NDUFB8: variants seen among roughly 807,000 people sequenced by gnomAD.
NDUFB8 encodes the protein NADH dehydrogenase [ubiquinone] 1 beta subcomplex subunit 8, mitochondrial.
Under a neutral mutation model 26.0 loss-of-function variants are expected in NDUFB8, and 17 were observed. That is an observed-to-expected ratio of 0.65 (90% CI 0.45 to 0.98). NDUFB8 has a LOEUF of 0.98. NDUFB8 is among the 50% of genes least tolerant of loss of function. The pLI is 0.00. For synonymous variants in NDUFB8, 89 were observed against 93.1 expected (o/e 0.96, Z 0.25); for missense variants, 238 against 255.0 (o/e 0.93, Z 0.45).
At chr10:100,525,339 C>T (rs953467151) in intron 4 of NDUFB8, among the ~76,000 whole-genome samples, 4 of 151,940 alleles carry the variant, frequency 2.6e-5, no homozygotes, top group Non-Finnish European at 5.9e-5. Flanking sequence ...TCACTGCAAC[C>T]TCTGCCTCCC....
chr10:100,529,016 T>A (rs1389430072), intron 2 of NDUFB8: 2 of 172,338 alleles, frequency 1.2e-5, no homozygotes, highest in African/African-American at 4.8e-5. Flanking sequence ...GGAGTCCAGC[T>A]CCAGCCTGGT....
intron 4 of NDUFB8, among the ~76,000 whole-genome samples, chr10:100,525,653 TG>T (rs1852033791): frequency 8.1e-6 from 1 of 123,414 alleles, no homozygotes; most frequent in Non-Finnish European, 1.8e-5. Context: ...TGTGTGTGTG[TG>T]TGTGTGTGTT....
Position 100,529,820 on chromosome 10 carries a change from A to C in NDUFB8, c.32T>G (p.Val11Gly), listed in dbSNP as rs146449373. The C allele has an allele frequency of 1.2e-6, 2 of 1,612,570 alleles. No homozygotes were observed. Among genetic ancestry groups the C allele is most frequent in the Non-Finnish European group, 1.7e-6 (2 of 1,179,538 alleles). The change falls in exon 1 of 5, where the codon GTC (valine) becomes GGC (glycine). Residue 11 changes from valine (V) to glycine (G), a missense_variant. By Grantham distance (109) the Val-to-Gly change is moderately radical. Transcript: ENST00000299166. ...CCGGGATGCCCTTTGCAGCCACTGG[A>C]CTCCCAAGACCCCGGCCCTGGCCAC... is the stretch of plus-strand genomic sequence containing the variant. MAVARAGVLG[V>G]QWLQRASRNV...
rs775478218 is a variant in NDUFB8 at position 100,526,484 on chromosome 10, A to C, written c.383T>G (p.Val128Gly). The C allele has an allele frequency of 4.0e-5, 65 of 1,612,568 alleles. 1 individual carries two copies. The highest frequency in any genetic ancestry group is 5.1e-5 in the Non-Finnish European group (60 of 1,179,616). ...DTSPTPVSWH[V>G]MCMQLFGFLA... ...GAAACCGAAGAGCTGCATACACATG[A>C]CATGCCAAGAAACAGGTGTGGGGGA... The change falls in exon 4 of 5, where the codon GTC becomes GGC. Residue 128 changes from valine (V) to glycine (G), a missense_variant. Val to Gly is a moderately radical substitution (Grantham distance 109). Coordinates refer to ENST00000299166, the MANE Select transcript of NDUFB8 (RefSeq NM_005004.4).
intron 2 of NDUFB8, chr10:100,528,974 G>C (rs532513811): frequency 6.2e-6 from 1 of 160,072 alleles, no homozygotes; most frequent in Non-Finnish European, 1.4e-5. Flanking sequence ...CAAATATAGA[G>C]TACTCCGTTT....
chr10:100,528,275 T>C (rs929149156), intron 2 of NDUFB8, among the ~76,000 whole-genome samples: 11 of 152,210 alleles, frequency 7.2e-5, no homozygotes, highest in Non-Finnish European at 1.5e-4. Context: ...CCGAGGTGTG[T>C]AGCAGGCCAT....
In NDUFB8 at chr10:100,526,811, C is replaced by T. The variant is rs1009948400; in HGVS notation, c.312+164G>A. 5.2e-5 allele frequency: 39 copies of T among 746,220 alleles called. No individual in the cohort carries two copies. The East Asian group carries it at 1.0e-3, about 19-fold the overall frequency. 46.2% of individuals were successfully genotyped at this position (746,220 alleles called of 1,614,324 possible). ...ACAGAGTTTCATGATTCCCAGACGT[C>T]CCATTCAGTGTGCCACATGCAATCT... On this transcript the variant is annotated intron_variant, in intron 3 of 4. Transcript: ENST00000299166.
chr10:100,528,622 A>T (rs997611637), intron 2 of NDUFB8, among the ~76,000 whole-genome samples: 63 of 152,340 alleles, frequency 4.1e-4, no homozygotes, highest in African/African-American at 1.5e-3. Flanking sequence ...TTCATCTGAC[A>T]CTGGCTTCGA....
intron 2 of NDUFB8, among the ~76,000 whole-genome samples, chr10:100,528,428 T>A (rs554855699): frequency 3.9e-4 from 59 of 152,282 alleles, no homozygotes; most frequent in Non-Finnish European, 7.8e-4. Context: ...AATGAAAAAT[T>A]AAAGTTTAGA....
intron 1 of NDUFB8, 87 bp from the exon 2 acceptor site, chr10:100,529,593 A>T: frequency 6.3e-7 from 1 of 1,584,722 alleles, no homozygotes; most frequent in South Asian, 1.1e-5. Context: ...CAGAGGTCCG[A>T]GCCCGGGACT....
intron 4 of NDUFB8, chr10:100,526,042 A>C (rs1354824107): frequency 2.1e-5 from 4 of 186,138 alleles, no homozygotes; most frequent in Non-Finnish European, 4.4e-5. Flanking sequence ...AGTCCAACAA[A>C]GGATAAGATT....
chr10:100,525,717 CGTGTGTGT>C (rs71013460), intron 4 of NDUFB8, among the ~76,000 whole-genome samples: 1,623 of 45,996 alleles, frequency 0.035, 181 homozygotes, highest in East Asian at 0.07. Context: ...TAAGCACATA[CGTGTGTGT>C]GTGTGTGTGT....
At position 100,529,671 on chromosome 10, in the gene NDUFB8, G is replaced by C. The variant is rs190557165; in HGVS notation, c.85+96C>G. 2.6e-3 allele frequency: 3,989 copies of C among 1,544,984 alleles called. 12 individuals carry two copies. Among genetic ancestry groups the C allele is most frequent in the Middle Eastern group, 8.1e-3 (43 of 5,326 alleles). On this transcript the variant is annotated intron_variant, in intron 1 of 4. Coordinates refer to ENST00000299166, the MANE Select transcript of NDUFB8 (RefSeq NM_005004.4). ...TCAACGCCACCTCCACTCCCTACCCGGAGGCTGCCGCCGCGGCATCTACGA... is the reference window on the plus strand; with the variant it reads ...TCAACGCCACCTCCACTCCCTACCCCGAGGCTGCCGCCGCGGCATCTACGA...
Position 100,524,290 on chromosome 10 carries a change from C to T in NDUFB8, c.469-361G>A, listed in dbSNP as rs1852008525. Among the ~76,000 whole-genome samples, 1 of 152,048 alleles carries T rather than the reference C, an allele frequency of 6.6e-6. No individual in the cohort carries two copies. Among genetic ancestry groups the T allele is most frequent in the Non-Finnish European group, 1.5e-5 (1 of 68,008 alleles). ...TGAGACGATGCATCCATCCATCCCACTCTCTCTCGGGGTCGAGACAGACTC... is the reference window on the plus strand; with the variant it reads ...TGAGACGATGCATCCATCCATCCCATTCTCTCTCGGGGTCGAGACAGACTC... On this transcript the variant is annotated intron_variant, in intron 4 of 4. Coordinates refer to ENST00000299166, the MANE Select transcript of NDUFB8 (RefSeq NM_005004.4). This position sits in a 1 kb window ranked among gnomAD's most constrained non-coding sequence, Gnocchi z 4.0.
At position 100,524,329 on chromosome 10, in the gene NDUFB8, T is replaced by G. The variant is rs1259237973; in HGVS notation, c.469-400A>C. ...CGAGACAGACTCAATCTCCTTTAAG[T>G]CACTCAGCCTCTAATGGTTCCACCA... On this transcript the variant is annotated intron_variant, in intron 4 of 4. Coordinates refer to ENST00000299166, the MANE Select transcript of NDUFB8 (RefSeq NM_005004.4). The surrounding 1 kb of genome is among the most constrained non-coding windows in gnomAD (Gnocchi z 4.0). Among the ~76,000 whole-genome samples the G allele has an allele frequency of 1.3e-5, 2 of 151,900 alleles. No individual in the cohort carries two copies. Among genetic ancestry groups the G allele is most frequent in the Admixed American group, 1.3e-4 (2 of 15,246 alleles).
At chr10:100,526,951 T>G in intron 3 of NDUFB8, 24 bp downstream of exon 3, 1 of 1,603,982 alleles carries the variant, frequency 6.2e-7, no homozygotes. Context: ...AGAAGGAAGG[T>G]CAAATGAGAT....
chr10:100,526,904 G>T, intron 3 of NDUFB8, 71 bp downstream of exon 3: 1 of 1,393,490 alleles, frequency 7.2e-7, no homozygotes, highest in Non-Finnish European at 1.0e-6. Flanking sequence ...TCAAAGAAGT[G>T]CCATCTGAGC....
chr10:100,526,356 G>T, intron 4 of NDUFB8, 43 bp downstream of exon 4: 2 of 1,530,496 alleles, frequency 1.3e-6, no homozygotes, highest in Non-Finnish European at 8.7e-7. Flanking sequence ...CAGGAAATGG[G>T]GCTAAGCAAG....
intron 1 of NDUFB8, 114 bp downstream of exon 1, chr10:100,529,653 C>T: frequency 6.5e-7 from 1 of 1,532,066 alleles, no homozygotes; most frequent in African/African-American, 1.4e-5. Flanking sequence ...ATATCAACGC[C>T]ACCTCCACTC....
Sources: allele counts gnomAD v4.1 joint callset (sites outside exome capture counted in the v4.1 genomes callset), GRCh38; gene constraint gnomAD v4.1.1; non-coding constraint Gnocchi (gnomAD v3.1); transcripts MANE v1.5; gene names NCBI Gene and HGNC (gene_info 2026-07-23, HGNC 2026-07-21).